Variants in ANKFN1 observed in about 807,000 individuals in gnomAD.
The protein encoded by ANKFN1 is ankyrin repeat and fibronectin type-III domain-containing protein 1.
ANKFN1 carries 74 observed loss-of-function variants against 108.7 expected under a neutral mutation model. The ratio of observed to expected loss-of-function variants is 0.68; its 90% confidence interval spans 0.56 to 0.83. The LOEUF (loss-of-function observed/expected upper bound fraction) is 0.83. Among genes scored for constraint, ANKFN1 ranks in the 40% least tolerant of loss-of-function variants. ANKFN1 has a pLI of 0.00. For missense variants in ANKFN1, 1,505 were observed against 1,382.3 expected, an observed-to-expected ratio of 1.09 and a Z score of -1.41; for synonymous variants, 547 against 516.2, an observed-to-expected ratio of 1.06 and a Z score of -0.81.
intron 8 of ANKFN1, among the ~76,000 whole-genome samples, chr17:56,406,561 A>G (rs2047927758): frequency 1.3e-5 from 2 of 152,158 alleles, no homozygotes; most frequent in Admixed American, 6.6e-5. Flanking sequence ...TAATATTAGA[A>G]CCATAAACCC....
At chr17:56,343,432 C>G (rs1346109603) in intron 4 of ANKFN1, among the ~76,000 whole-genome samples, 2 of 151,798 alleles carry the variant, frequency 1.3e-5, no homozygotes, top group Non-Finnish European at 2.9e-5. Flanking sequence ...TTCTTTTTGG[C>G]CCCTGTGATT....
intron 8 of ANKFN1, among the ~76,000 whole-genome samples, chr17:56,392,127 G>A (rs115430529): frequency 3.9e-4 from 60 of 152,142 alleles, no homozygotes; most frequent in Non-Finnish European, 6.8e-4. Context: ...TTCTCACAGC[G>A]TATCTTTAGG....
intron 3 of ANKFN1, among the ~76,000 whole-genome samples, chr17:56,322,298 T>A (rs1287976183): frequency 1.3e-5 from 2 of 152,160 alleles, no homozygotes; most frequent in Admixed American, 1.3e-4. Flanking sequence ...CCTATACTAT[T>A]GACAATCCTG....
At chr17:56,220,807 G>T (rs933327259) in intron 2 of ANKFN1, among the ~76,000 whole-genome samples, 59 of 72,478 alleles carry the variant, frequency 8.1e-4, no homozygotes, top group African/African-American at 2.5e-3. Context: ...AGGGAGGGAG[G>T]GAGGAAGGAA....
chr17:56,218,679 G>C (rs748340200), intron 2 of ANKFN1, among the ~76,000 whole-genome samples: 12 of 152,068 alleles, frequency 7.9e-5, no homozygotes, highest in Non-Finnish European at 1.8e-4. Flanking sequence ...TGGATCACCA[G>C]AGCCATCCTT....
intron 4 of ANKFN1, among the ~76,000 whole-genome samples, chr17:56,138,885 TA>T (rs1182807031): frequency 6.6e-6 from 1 of 152,024 alleles, no homozygotes; most frequent in African/African-American, 2.4e-5. Flanking sequence ...ACAAACAATA[TA>T]AAAAAGAATT....
chr17:56,396,543 T>G (rs1450403567), intron 8 of ANKFN1, among the ~76,000 whole-genome samples: 1 of 151,918 alleles, frequency 6.6e-6, no homozygotes, highest in African/African-American at 2.4e-5. Context: ...AACTTCTGGT[T>G]TTTTTTTGAC....
intron 1 of ANKFN1, chr17:56,195,333 CTG>C (rs1374488121): frequency 6.6e-6 from 1 of 152,188 alleles, no homozygotes; most frequent in African/African-American, 2.4e-5. Flanking sequence ...TTCTCGAAGA[CTG>C]TGTTTAATTC....
chr17:56,066,492 C>T (rs191820780), intron 4 of ANKFN1, among the ~76,000 whole-genome samples: 22 of 151,994 alleles, frequency 1.4e-4, no homozygotes, highest in East Asian at 1.4e-3. Flanking sequence ...GCATTGATTG[C>T]GTATTGAGGC....
chr17:56,405,810 T>A (rs1160282182), intron 8 of ANKFN1, among the ~76,000 whole-genome samples: 2 of 152,282 alleles, frequency 1.3e-5, no homozygotes, highest in East Asian at 3.9e-4. Context: ...TACTACCTTT[T>A]GTGTAAAATT....
intron 15 of ANKFN1, among the ~76,000 whole-genome samples, chr17:56,470,791 C>G (rs1265137013): frequency 1.3e-5 from 2 of 152,174 alleles, no homozygotes; most frequent in Admixed American, 1.3e-4. Flanking sequence ...AGAGGCCTCT[C>G]TCATTTATCT....
At chr17:56,098,382 A>G (rs1338247590) in intron 4 of ANKFN1, among the ~76,000 whole-genome samples, 1 of 151,924 alleles carries the variant, frequency 6.6e-6, no homozygotes, top group Non-Finnish European at 1.5e-5. Context: ...TGACACTTTC[A>G]TACAAAAATA....
chr17:56,138,177 A>C (rs1428115241), intron 4 of ANKFN1, among the ~76,000 whole-genome samples: 1 of 152,226 alleles, frequency 6.6e-6, no homozygotes, highest in Non-Finnish European at 1.5e-5. Flanking sequence ...TAACACTATG[A>C]TTACTCAGTT....
rs147375472 is a variant in ANKFN1 at position 56,173,775 on chromosome 17, T to C, written c.-71+20245T>C. Among the ~76,000 whole-genome samples the C allele has an allele frequency of 2.0e-3, 305 of 152,266 alleles. 2 individuals carry two copies. The highest frequency in any genetic ancestry group is 7.1e-3 in the African/African-American group (296 of 41,570). The stretch of plus-strand genomic sequence containing the variant: ...CCACACCCAGCCAGATTTTTGTCCT[T>C]TTAACTTACTACTGTACTGTCTCTC... On this transcript the variant is annotated intron_variant, in intron 1 of 20. Transcript: ENST00000682825.
chr17:56,150,867 G>A (rs893377458), upstream of ANKFN1, among the ~76,000 whole-genome samples: 1 of 152,158 alleles, frequency 6.6e-6, no homozygotes, highest in Non-Finnish European at 1.5e-5. Context: ...GTCAATATTG[G>A]CAAAGGAAAG....
At chr17:56,508,647 G>T (rs1444215705) in intron 20 of ANKFN1, among the ~76,000 whole-genome samples, 1 of 150,672 alleles carries the variant, frequency 6.6e-6, no homozygotes, top group African/African-American at 2.5e-5. Context: ...AATGGAGGGA[G>T]AAAAATAAAT....
chr17:56,255,838 A>T (rs2043344681), intron 3 of ANKFN1, among the ~76,000 whole-genome samples: 1 of 152,176 alleles, frequency 6.6e-6, no homozygotes, highest in Non-Finnish European at 1.5e-5. Flanking sequence ...TTAGGAATTT[A>T]TGTAGGAACT....
In ANKFN1 at chr17:56,136,922, C is replaced by T. The variant is rs535328224; in HGVS notation, c.288+90597C>T. 4.6e-5 allele frequency among the ~76,000 whole-genome samples: 7 copies of T among 152,314 alleles called. No homozygotes were observed. In the South Asian group the frequency reaches 1.5e-3, roughly 32 times the overall value. ...GGCTAAGTCACAAAAGATGGGGATT[C>T]TGTTGCTCTGAAAGATTAGGGTTAC... is the stretch of plus-strand genomic sequence containing the variant. On this transcript the variant is annotated intron_variant, in intron 4 of 12. Transcript: ENST00000635860.
intron 20 of ANKFN1, among the ~76,000 whole-genome samples, chr17:56,509,525 C>T (rs767319922): frequency 1.8e-4 from 28 of 152,186 alleles, no homozygotes; most frequent in Non-Finnish European, 3.7e-4. Flanking sequence ...GTGGCCAGAA[C>T]TTAATTATAT....
Sources: allele counts gnomAD v4.1 joint callset (sites outside exome capture counted in the v4.1 genomes callset), GRCh38; gene constraint gnomAD v4.1.1; transcripts MANE v1.5; gene names NCBI Gene and HGNC (gene_info 2026-07-23, HGNC 2026-07-21).